NBPF8: variants seen among roughly 807,000 people sequenced by gnomAD.
NBPF8 encodes the protein NBPF family member NBPF8.
intron 1 of NBPF8, among the ~76,000 whole-genome samples, chr1:120,425,589 C>T (rs201523810): frequency 5.3e-5 from 8 of 152,272 alleles, no homozygotes; most frequent in Non-Finnish European, 1.2e-4. Flanking sequence ...ATGGGTCCTC[C>T]GTATGCTGAA....
intron 24 of NBPF8, 92 bp from the exon 23 acceptor site, chr1:120,465,886 A>G: frequency 6.3e-7 from 1 of 1,579,780 alleles, no homozygotes; most frequent in Non-Finnish European, 8.6e-7. Context: ...TTTCTTTTCT[A>G]ACCACTTCCT....
chr1:120,453,449 CACTG>C lies in NBPF8; in HGVS notation n.2362+7_2362+10del, dbSNP rs1661342349. On this transcript the variant is annotated splice_donor_region_variant and intron_variant and non_coding_transcript_variant, in intron 14 of 24. Transcript: ENST00000583271. ...GCAGAAATCGTCTGCCCCCAGGTAA[CACTG>C]AATACTCAGGAACAATTAATGGATG... is the stretch of plus-strand genomic sequence containing the variant. The C allele has an allele frequency of 1.4e-6, 1 of 736,972 alleles. No homozygotes were observed. The highest frequency in any genetic ancestry group is 2.4e-6 in the Non-Finnish European group (1 of 415,168). 45.7% of individuals were successfully genotyped at this position (736,972 alleles called of 1,614,324 possible). A position where few individuals can be genotyped will look rare whatever the true frequency, so the allele number is the denominator to read the frequency against.
chr1:120,431,838 C>T (rs1287976934), upstream of NBPF8, among the ~76,000 whole-genome samples: 1 of 149,424 alleles, frequency 6.7e-6, no homozygotes, highest in East Asian at 2.1e-4. Flanking sequence ...GGGCGGGCTG[C>T]TATTTCTCAT....
chr1:120,456,413 G>A (rs1553249695), intron 16 of NBPF8, among the ~76,000 whole-genome samples: 1 of 144,182 alleles, frequency 6.9e-6, no homozygotes. Flanking sequence ...CTCTTTGTAG[G>A]TCTCTCAGGA....
chr1:120,462,236 A>T, intron 20 of NBPF8, 39 bp downstream of exon 18: 1 of 678,072 alleles, frequency 1.5e-6, no homozygotes, highest in Non-Finnish European at 2.6e-6. Context: ...TTCTGTGTTG[A>T]CACCTGGAGA....
At chr1:120,425,599 A>C (rs1389569414) in intron 1 of NBPF8, among the ~76,000 whole-genome samples, 1 of 152,128 alleles carries the variant, frequency 6.6e-6, no homozygotes, top group African/African-American at 2.4e-5. Flanking sequence ...CGTATGCTGA[A>C]CGCCGGTCCC....
exon 23 of NBPF8, chr1:120,464,536 C>G (rs1224901998): frequency 7.2e-6 from 6 of 831,576 alleles, no homozygotes; most frequent in African/African-American, 1.7e-5. Context: ...TGGCTTTTCT[C>G]TTGACGTGGG....
chr1:120,426,904 G>T (rs1262109731), intron 2 of NBPF8, among the ~76,000 whole-genome samples: 3 of 146,698 alleles, frequency 2.0e-5, no homozygotes, highest in Non-Finnish European at 4.5e-5. Context: ...TGGAAATGGA[G>T]CTGGGCAAAA....
chr1:120,450,867 C>T (rs1365043195), intron 11 of NBPF8, among the ~76,000 whole-genome samples: 2 of 151,978 alleles, frequency 1.3e-5, no homozygotes, highest in African/African-American at 4.8e-5. Flanking sequence ...GGCTGCAAGG[C>T]TTGGGAAAGT....
intron 1 of NBPF8, among the ~76,000 whole-genome samples, chr1:120,422,064 A>T (rs1399477171): frequency 6.6e-6 from 1 of 151,842 alleles, no homozygotes; most frequent in Non-Finnish European, 1.5e-5. Flanking sequence ...ATCCTAATTA[A>T]AAAAAAGTAA....
chr1:120,417,268 GC>G (rs1377325917), upstream of NBPF8, among the ~76,000 whole-genome samples: 3 of 148,116 alleles, frequency 2.0e-5, no homozygotes, highest in Admixed American at 1.4e-4. Flanking sequence ...TCCTGCCTCA[GC>G]CCCCAGGTAG....
rs1284302604 is a variant in NBPF8 at position 120,423,385 on chromosome 1, G to A, written n.270-2362G>A. Reference sequence around the variant, plus strand: ...ACTAGTTGGAAAGGCTATCTTTGCTGCTTTAAATTGTCTCTAAACCTCCAT... The same window carrying A: ...ACTAGTTGGAAAGGCTATCTTTGCTACTTTAAATTGTCTCTAAACCTCCAT... On this transcript the variant is annotated intron_variant and non_coding_transcript_variant, in intron 1 of 28. Coordinates refer to the NBPF8 transcript ENST00000652355. Among the ~76,000 whole-genome samples, 13 of 107,904 alleles carry A rather than the reference G, an allele frequency of 1.2e-4. 6 individuals are homozygous for A. The highest frequency in any genetic ancestry group is 6.6e-4 in the African/African-American group (13 of 19,676). 70.8% of individuals were successfully genotyped at this position (107,904 alleles called of 152,430 possible).
chr1:120,420,464 G>A (rs111636993), intron 1 of NBPF8, among the ~76,000 whole-genome samples: 24,314 of 144,886 alleles, frequency 0.17, 2,782 homozygotes, highest in East Asian at 0.55. Context: ...CCACCCTGCC[G>A]TCCCCTTTCA....
intron 20 of NBPF8, among the ~76,000 whole-genome samples, chr1:120,462,461 A>C (rs1432450819): frequency 7.0e-6 from 1 of 141,942 alleles, no homozygotes; most frequent in Non-Finnish European, 1.5e-5. Flanking sequence ...ATGGAAAATT[A>C]TTGAGCCCAC....
intron 17 of NBPF8, among the ~76,000 whole-genome samples, chr1:120,460,142 C>A (rs1388577218): frequency 6.6e-6 from 1 of 152,178 alleles, no homozygotes; most frequent in African/African-American, 2.4e-5. Context: ...AACCAAGTTT[C>A]ATTTTGACTC....
chr1:120,463,537 C>T, intron 21 of NBPF8, 139 bp from the exon 20 acceptor site: 1 of 306,404 alleles, frequency 3.3e-6, no homozygotes, highest in Non-Finnish European at 5.6e-6. Context: ...AGCTTTCAGG[C>T]CTCCTGAAGT....
At chr1:120,450,340 G>T (rs1553248625) in intron 11 of NBPF8, among the ~76,000 whole-genome samples, 3 of 152,098 alleles carry the variant, frequency 2.0e-5, no homozygotes, top group Admixed American at 6.5e-5. Flanking sequence ...GAGGAAGAAA[G>T]ATCCCACCCG....
chr1:120,428,204 G>A (rs1227347990), intron 3 of NBPF8, among the ~76,000 whole-genome samples: 5 of 152,176 alleles, frequency 3.3e-5, no homozygotes, highest in South Asian at 4.1e-4. Context: ...CCATGAAACA[G>A]ATGGTCATAG....
At chr1:120,450,199 C>T (rs1171824592) in intron 11 of NBPF8, among the ~76,000 whole-genome samples, 1 of 151,970 alleles carries the variant, frequency 6.6e-6, no homozygotes, top group Non-Finnish European at 1.5e-5. Context: ...TGCACTCCAG[C>T]CTGGGCGACA....
Sources: allele counts gnomAD v4.1 joint callset (sites outside exome capture counted in the v4.1 genomes callset), GRCh38; gene constraint gnomAD v4.1.1; transcripts MANE v1.5; gene names NCBI Gene and HGNC (gene_info 2026-07-23, HGNC 2026-07-21).